The following KRTAP1-3 variants were observed in gnomAD, a reference collection of about 807,000 sequenced individuals.
KRTAP1-3 encodes keratin associated protein 1-3.
A neutral mutation model predicts 11.8 loss-of-function variants in KRTAP1-3; 10 were observed. The observed-to-expected ratio is 0.85, with a 90% confidence interval of 0.52 to 1.44. The LOEUF (loss-of-function observed/expected upper bound fraction) is 1.44. KRTAP1-3 is among the 40% of genes most tolerant of loss of function. The pLI is 0.00. For synonymous variants in KRTAP1-3, 74 were observed against 77.3 expected (o/e 0.96, Z 0.23); for missense variants, 176 against 217.2 (o/e 0.81, Z 1.19).
chr17:41,034,097 G>T lies in KRTAP1-3; in HGVS notation c.*221C>A. ...GGTAAATCGGCTTTTTCATTTCTTG[G>T]GTCAAATTTGTATTTTGGCGTCCTC... On this transcript the variant is annotated 3_prime_UTR_variant, in exon 1 of 1. Transcript: ENST00000344363. The T allele has an allele frequency of 1.6e-6, 1 of 640,592 alleles. No individual in the cohort carries two copies. Among genetic ancestry groups the T allele is most frequent in the South Asian group, 3.5e-5 (1 of 28,618 alleles). The allele number at this position is 640,592 out of a possible 1,614,324, so 39.7% of individuals were successfully genotyped here.
At position 41,034,049 on chromosome 17, in the gene KRTAP1-3, T is replaced by C. The variant is rs17843050; in HGVS notation, c.*269A>G. On this transcript the variant is annotated 3_prime_UTR_variant, in exon 1 of 1. Coordinates refer to ENST00000344363, the MANE Select transcript of KRTAP1-3 (RefSeq NM_030966.2). ...CTGAGACTCAGAGCGTGGGCTTCAA[T>C]GCTTGCAAAGGCTCAGTTTCAAGGT... 0.047 allele frequency: 23,337 copies of C among 499,778 alleles called. 1,477 individuals are homozygous for C. Among genetic ancestry groups the C allele is most frequent in the East Asian group, 0.17 (5,261 of 30,242 alleles). 31.0% of individuals were successfully genotyped at this position (499,778 alleles called of 1,614,324 possible).
In KRTAP1-3 at chr17:41,034,161, CAG is replaced by C; in HGVS notation, c.*155_*156del. On this transcript the variant is annotated 3_prime_UTR_variant, in exon 1 of 1. Coordinates refer to ENST00000344363, the MANE Select transcript of KRTAP1-3 (RefSeq NM_030966.2). The stretch of plus-strand genomic sequence containing the variant: ...AGGTCTTTCTGGAATTGAAAGGAAT[CAG>C]ATAATTCTGAGGCCAAAATATTTGG... The C allele has an allele frequency of 1.0e-6, 1 of 976,558 alleles. No individual in the cohort carries two copies. Among genetic ancestry groups the C allele is most frequent in the Non-Finnish European group, 1.5e-6 (1 of 684,366 alleles). The allele number at this position is 976,558 out of a possible 1,614,324, so 60.5% of individuals were successfully genotyped here. A position where few individuals can be genotyped will look rare whatever the true frequency, so the allele number is the denominator to read the frequency against.
Position 41,034,792 on chromosome 17 carries a change from T to G in KRTAP1-3, c.30A>C (p.Gly10=), listed in dbSNP as rs1239014450. The G allele has an allele frequency of 6.5e-7, 1 of 1,538,528 alleles. No homozygotes were observed. The highest frequency in any genetic ancestry group is 8.8e-7 in the Non-Finnish European group (1 of 1,140,634). The part of the protein sequence containing the change: MTCCQTSFC[G]YPSCSTSGTC... ...TCCCACTGGTGGAGCAGCTGGGATA[T>G]CCACAGAAGCTGGTCTGGCAGCAGG... is the stretch of plus-strand genomic sequence containing the variant. Residue 10 remains glycine (G), a synonymous_variant, in exon 1 of 1, where the codon GGA becomes GGC. Coordinates refer to ENST00000344363, the MANE Select transcript of KRTAP1-3 (RefSeq NM_030966.2).
chr17:41,034,495 G>C lies in KRTAP1-3; in HGVS notation c.327C>G (p.Cys109Trp). 1.2e-6 allele frequency: 2 copies of C among 1,613,330 alleles called. No individual in the cohort carries two copies. The highest frequency in any genetic ancestry group is 1.7e-6 in the Non-Finnish European group (2 of 1,179,952). ...SGAVSTRIRW[C>W]RPDCRVEGTC... ...TACCCTCCACACGGCAGTCTGGGCG[G>C]CACCACCTGATACGGGTGCTCACAG... is the stretch of plus-strand genomic sequence containing the variant. The change falls in exon 1 of 1, where the codon TGC becomes TGG. Residue 109 changes from cysteine to tryptophan, a missense_variant. Physicochemically the swap from Cys to Trp is radical, Grantham distance 215. Transcript: ENST00000344363.
Position 41,034,096 on chromosome 17 carries a change from G to T in KRTAP1-3, c.*222C>A. The T allele has an allele frequency of 3.2e-6, 2 of 633,146 alleles. No individual in the cohort carries two copies. Among genetic ancestry groups the T allele is most frequent in the Non-Finnish European group, 5.0e-6 (2 of 402,112 alleles). 39.2% of individuals were successfully genotyped at this position (633,146 alleles called of 1,614,324 possible). On this transcript the variant is annotated 3_prime_UTR_variant, in exon 1 of 1. Transcript: ENST00000344363. ...AGGTAAATCGGCTTTTTCATTTCTT[G>T]GGTCAAATTTGTATTTTGGCGTCCT...
Position 41,034,322 on chromosome 17 carries a change from CA to C in KRTAP1-3, c.499del (p.Cys167AlafsTer85), listed in dbSNP as rs1187187347. On this transcript the variant is annotated frameshift_variant, in exon 1 of 1. Transcript: ENST00000344363. LOFTEE classifies it high-confidence loss of function. Reference protein sequence around the residue: ...VCCCYSCEPTC With the variant: ...VCCCYSCEPTX Reference sequence around the variant, plus strand: ...TGAAAATCAGCAAACTGGCTTTTAGCAGGTGGGCTCACAGGAGTAGCAGCAG... The same window carrying C: ...TGAAAATCAGCAAACTGGCTTTTAGCGGTGGGCTCACAGGAGTAGCAGCAG... The C allele has an allele frequency of 1.9e-6, 3 of 1,548,814 alleles. No individual in the cohort carries two copies. Among genetic ancestry groups the C allele is most frequent in the Non-Finnish European group, 2.6e-6 (3 of 1,147,726 alleles).
Position 41,034,229 on chromosome 17 carries a change from T to G in KRTAP1-3, c.*89A>C. 6.8e-7 allele frequency: 1 copy of G among 1,467,678 alleles called. No homozygotes were observed. The highest frequency in any genetic ancestry group is 9.1e-7 in the Non-Finnish European group (1 of 1,097,108). The allele number at this position is 1,467,678 out of a possible 1,614,324, so 90.9% of individuals were successfully genotyped here. On this transcript the variant is annotated 3_prime_UTR_variant, in exon 1 of 1. Coordinates refer to ENST00000344363, the MANE Select transcript of KRTAP1-3 (RefSeq NM_030966.2). The stretch of plus-strand genomic sequence containing the variant: ...AGACAAAGAAAGGTTGAAGAATTTG[T>G]TCGTTGTCCATAAGTGCTTGAAGAA...
At position 41,034,642 on chromosome 17, in the gene KRTAP1-3, G is replaced by A. The variant is rs2012526799; in HGVS notation, c.180C>T (p.Cys60=). The A allele has an allele frequency of 1.3e-6, 2 of 1,521,832 alleles. No individual in the cohort carries two copies. Among genetic ancestry groups the A allele is most frequent in the African/African-American group, 2.8e-5 (2 of 71,550 alleles). The allele number at this position is 1,521,832 out of a possible 1,614,324, so 94.3% of individuals were successfully genotyped here. A position where few individuals can be genotyped will look rare whatever the true frequency, so the allele number is the denominator to read the frequency against. The change falls in exon 1 of 1, where the codon TGC becomes TGT. Residue 60 remains cysteine (C), a synonymous_variant. Coordinates refer to ENST00000344363, the MANE Select transcript of KRTAP1-3 (RefSeq NM_030966.2). ...TGGTCTCACAGCAGCTTGGCTGGCA[G>A]CAACTGGAGCTGCAGGTCCCACTAG... ...FSTSGTCSSS[C]CQPSCCETSC...
rs777094400 is a variant in KRTAP1-3 at position 41,034,433 on chromosome 17, G to A, written c.389C>T (p.Pro130Leu). 40 of 1,613,592 alleles carry A rather than the reference G, an allele frequency of 2.5e-5. No homozygotes were observed. The highest frequency in any genetic ancestry group is 3.4e-5 in the Non-Finnish European group (40 of 1,179,988). The change falls in exon 1 of 1, where the codon CCC (proline) becomes CTC (leucine). Residue 130 changes from proline (P) to leucine (L), a missense_variant. Transcript: ENST00000344363. ...GTGGTGCAGCTGGCAGCAGGTTGGG[G>A]GTGTGCAGCTCACCACACAGCAGGG... is the stretch of plus-strand genomic sequence containing the variant. ...LPPCCVVSCT[P>L]PTCCQLHHAE...
Position 41,034,450 on chromosome 17 carries a change from A to G in KRTAP1-3, c.372T>C (p.Cys124=), listed in dbSNP as rs1049106301. ...AGGTTGGGGGTGTGCAGCTCACCACACAGCAGGGGGGCAGGCAGGTACCCT... is the reference window on the plus strand; with the variant it reads ...AGGTTGGGGGTGTGCAGCTCACCACGCAGCAGGGGGGCAGGCAGGTACCCT... The part of the protein sequence containing the change: ...RVEGTCLPPC[C]VVSCTPPTCC... Residue 124 remains cysteine, a synonymous_variant, in exon 1 of 1, where the codon TGT becomes TGC. Coordinates refer to ENST00000344363, the MANE Select transcript of KRTAP1-3 (RefSeq NM_030966.2). 56 of 1,613,664 alleles carry G rather than the reference A, an allele frequency of 3.5e-5. No individual in the cohort carries two copies. Among genetic ancestry groups the G allele is most frequent in the Admixed American group, 1.0e-4 (6 of 59,994 alleles).
rs2012507931 is a variant in KRTAP1-3 at position 41,034,098 on chromosome 17, G to A, written c.*220C>T. The stretch of plus-strand genomic sequence containing the variant: ...GTAAATCGGCTTTTTCATTTCTTGG[G>A]TCAAATTTGTATTTTGGCGTCCTCA... On this transcript the variant is annotated 3_prime_UTR_variant, in exon 1 of 1. Coordinates refer to ENST00000344363, the MANE Select transcript of KRTAP1-3 (RefSeq NM_030966.2). 2 of 649,394 alleles carry A rather than the reference G, an allele frequency of 3.1e-6. No homozygotes were observed. The highest frequency in any genetic ancestry group is 2.4e-6 in the Non-Finnish European group (1 of 415,422). 40.2% of individuals were successfully genotyped at this position (649,394 alleles called of 1,614,324 possible). A position where few individuals can be genotyped will look rare whatever the true frequency, so the allele number is the denominator to read the frequency against.
In KRTAP1-3 at chr17:41,034,252, G is replaced by A. The variant is rs1179129629; in HGVS notation, c.*66C>T. ...TGTTCGTTGTCCATAAGTGCTTGAAGAAATAATTCGTTCATGAATGGAACT... is the reference window on the plus strand; with the variant it reads ...TGTTCGTTGTCCATAAGTGCTTGAAAAAATAATTCGTTCATGAATGGAACT... On this transcript the variant is annotated 3_prime_UTR_variant, in exon 1 of 1. Coordinates refer to ENST00000344363, the MANE Select transcript of KRTAP1-3 (RefSeq NM_030966.2). The A allele has an allele frequency of 6.6e-7, 1 of 1,510,066 alleles. No homozygotes were observed. Among genetic ancestry groups the A allele is most frequent in the African/African-American group, 1.4e-5 (1 of 71,566 alleles). The allele number at this position is 1,510,066 out of a possible 1,614,324, so 93.5% of individuals were successfully genotyped here.
Position 41,034,761 on chromosome 17 carries a change from C to T in KRTAP1-3, c.61G>A (p.Gly21Ser), listed in dbSNP as rs112639635. 3.9e-5 allele frequency: 62 copies of T among 1,580,162 alleles called. No individual in the cohort carries two copies. The highest frequency in any genetic ancestry group is 2.1e-4 in the African/African-American group (15 of 72,508). ...CAGCTTGGCTGGCAGCAGCTGGAGCCGCATGTCCCACTGGTGGAGCAGCTG... is the reference window on the plus strand; with the variant it reads ...CAGCTTGGCTGGCAGCAGCTGGAGCTGCATGTCCCACTGGTGGAGCAGCTG... ...YPSCSTSGTC[G>S]SSCCQPSCCE... is the part of the protein sequence containing the mutation. The change falls in exon 1 of 1, where the codon GGC becomes AGC. Residue 21 changes from glycine to serine, a missense_variant. By Grantham distance (56) the Gly-to-Ser change is moderately conservative. Coordinates refer to ENST00000344363, the MANE Select transcript of KRTAP1-3 (RefSeq NM_030966.2).
Position 41,034,112 on chromosome 17 carries a change from T to A in KRTAP1-3, c.*206A>T. 1 of 694,824 alleles carries A rather than the reference T, an allele frequency of 1.4e-6. No individual in the cohort carries two copies. Among genetic ancestry groups the A allele is most frequent in the East Asian group, 2.9e-5 (1 of 34,118 alleles). The allele number at this position is 694,824 out of a possible 1,614,324, so 43.0% of individuals were successfully genotyped here. On this transcript the variant is annotated 3_prime_UTR_variant, in exon 1 of 1. Coordinates refer to ENST00000344363, the MANE Select transcript of KRTAP1-3 (RefSeq NM_030966.2). ...TCATTTCTTGGGTCAAATTTGTATT[T>A]TGGCGTCCTCAGAGAGAAGAGTAAG...
In KRTAP1-3 at chr17:41,034,542, C is replaced by G; in HGVS notation, c.280G>C (p.Gly94Arg). The stretch of plus-strand genomic sequence containing the variant: ...ACAGCTCCACTGCTGCCCTCCTGGC[C>G]ATAGCCAATGCCACCACCAATGCCA... ...GCGIGGGIGYGQEGSSGAVST... is the reference protein window; with the variant it reads ...GCGIGGGIGYRQEGSSGAVST... The change falls in exon 1 of 1, where the codon GGC becomes CGC. Residue 94 changes from glycine to arginine, a missense_variant. Transcript: ENST00000344363. 1 of 1,612,124 alleles carries G rather than the reference C, an allele frequency of 6.2e-7. No homozygotes were observed. Among genetic ancestry groups the G allele is most frequent in the Non-Finnish European group, 8.5e-7 (1 of 1,179,794 alleles).
rs577484817 is a variant in KRTAP1-3 at position 41,034,444 on chromosome 17, C to T, written c.378G>A (p.Val126=). 6.2e-7 allele frequency: 1 copy of T among 1,613,768 alleles called. No individual in the cohort carries two copies. The highest frequency in any genetic ancestry group is 1.7e-5 in the Admixed American group (1 of 60,004). ...EGTCLPPCCV[V]SCTPPTCCQL... ...GGCAGCAGGTTGGGGGTGTGCAGCT[C>T]ACCACACAGCAGGGGGGCAGGCAGG... The change falls in exon 1 of 1, where the codon GTG becomes GTA. Residue 126 remains valine, a synonymous_variant. Transcript: ENST00000344363.
chr17:41,034,215 G>T lies in KRTAP1-3; in HGVS notation c.*103C>A. 7.1e-7 allele frequency: 1 copy of T among 1,407,228 alleles called. No homozygotes were observed. 87.2% of individuals were successfully genotyped at this position (1,407,228 alleles called of 1,614,324 possible). A position where few individuals can be genotyped will look rare whatever the true frequency, so the allele number is the denominator to read the frequency against. ...AACCCCCATAAGAAAGACAAAGAAAGGTTGAAGAATTTGTTCGTTGTCCAT... is the reference window on the plus strand; with the variant it reads ...AACCCCCATAAGAAAGACAAAGAAATGTTGAAGAATTTGTTCGTTGTCCAT... On this transcript the variant is annotated 3_prime_UTR_variant, in exon 1 of 1. Coordinates refer to ENST00000344363, the MANE Select transcript of KRTAP1-3 (RefSeq NM_030966.2).
chr17:41,034,854 T>C lies in KRTAP1-3; in HGVS notation c.-33A>G, dbSNP rs779616075. 1.6e-4 allele frequency: 254 copies of C among 1,608,164 alleles called. 1 individual carries two copies. The highest frequency in any genetic ancestry group is 8.3e-4 in the Middle Eastern group (5 of 6,038). ...GGAGCTGGTATGAAGTCTGGGTTGCTTGGAGGAGTTTCTGAGTTTTGGTGA... is the reference window on the plus strand; with the variant it reads ...GGAGCTGGTATGAAGTCTGGGTTGCCTGGAGGAGTTTCTGAGTTTTGGTGA... On this transcript the variant is annotated 5_prime_UTR_variant, in exon 1 of 1. Coordinates refer to ENST00000344363, the MANE Select transcript of KRTAP1-3 (RefSeq NM_030966.2).
chr17:41,034,609 G>T lies in KRTAP1-3; in HGVS notation c.213C>A (p.Cys71Ter). 6.2e-7 allele frequency: 1 copy of T among 1,613,128 alleles called. No individual in the cohort carries two copies. The change falls in exon 1 of 1, where the codon TGC becomes TGA. Residue 71 changes from cysteine to a stop codon, truncating the protein, a stop_gained. Coordinates refer to ENST00000344363, the MANE Select transcript of KRTAP1-3 (RefSeq NM_030966.2). LOFTEE classifies it high-confidence loss of function. Reference protein sequence around the residue: ...CQPSCCETSCCQPSCCQTSSC... With the variant: ...CQPSCCETSC Reference sequence around the variant, plus strand: ...AGCTGGTCTGGCAGCAGCTTGGCTGGCAGCAGCTGGTCTCACAGCAGCTTG... The same window carrying T: ...AGCTGGTCTGGCAGCAGCTTGGCTGTCAGCAGCTGGTCTCACAGCAGCTTG...
Sources: allele counts gnomAD v4.1 joint callset, GRCh38; gene constraint gnomAD v4.1.1; transcripts MANE v1.5; gene names NCBI Gene and HGNC (gene_info 2026-07-23, HGNC 2026-07-21).